PRKN: variants seen among roughly 807,000 people sequenced by gnomAD.
PRKN encodes E3 ubiquitin-protein ligase parkin.
In PRKN, 56 loss-of-function variants were observed where a neutral mutation model predicts 59.5. That is an observed-to-expected ratio of 0.94 (90% CI 0.76 to 1.18). The LOEUF (loss-of-function observed/expected upper bound fraction) is 1.18, where lower values mean the gene tolerates loss of function less well. Among genes scored for constraint, PRKN ranks in the 50% most tolerant of loss-of-function variants. The pLI, the probability that PRKN is intolerant of heterozygous loss-of-function variation, is 0.00. For synonymous variants in PRKN, 250 were observed against 222.1 expected, an observed-to-expected ratio of 1.13 and a Z score of -1.12; for missense variants, 657 against 596.4, an observed-to-expected ratio of 1.10 and a Z score of -1.06.
rs76849595 is a variant in PRKN at position 162,388,972 on chromosome 6, C to A, written c.171+54338G>T. ...CCAGACACTTTTTGTCCCCAACACC[C>A]AAAGCTTCATTTTAAAATCCTTTCA... On this transcript the variant is annotated intron_variant, in intron 2 of 11. Transcript: ENST00000366898. Among the ~76,000 whole-genome samples, 318 of 125,254 alleles carry A rather than the reference C, an allele frequency of 2.5e-3. 4 individuals carry two copies. The highest frequency in any genetic ancestry group is 0.021 in the East Asian group (78 of 3,674). The allele number at this position is 125,254 out of a possible 152,430, so 82.2% of individuals were successfully genotyped here.
chr6:161,893,377 C>T (rs887743338), intron 6 of PRKN, among the ~76,000 whole-genome samples: 2 of 152,122 alleles, frequency 1.3e-5, no homozygotes, highest in African/African-American at 4.8e-5. Flanking sequence ...TCTGTTCACA[C>T]GCCATGAAGT....
chr6:162,038,080 A>T (rs1390476169), intron 5 of PRKN, among the ~76,000 whole-genome samples: 1 of 151,556 alleles, frequency 6.6e-6, no homozygotes, highest in Admixed American at 6.6e-5. Context: ...ACTTTTCCTA[A>T]GCCATTATGA....
At position 161,400,451 on chromosome 6, in the gene PRKN, G is replaced by C. The variant is rs1322113811; in HGVS notation, c.1084-13574C>G. ...GCCTCCCAAGTAGCTGGAATTACAGGTGTGTGCCACCACGCCCAGCTAATT... is the reference window on the plus strand; with the variant it reads ...GCCTCCCAAGTAGCTGGAATTACAGCTGTGTGCCACCACGCCCAGCTAATT... On this transcript the variant is annotated intron_variant, in intron 9 of 11. Coordinates refer to ENST00000366898, the MANE Select transcript of PRKN (RefSeq NM_004562.3). The surrounding 1 kb of genome is among the most constrained non-coding windows in gnomAD (Gnocchi z 4.2). Among the ~76,000 whole-genome samples the C allele has an allele frequency of 6.6e-6, 1 of 151,878 alleles. No homozygotes were observed. Among genetic ancestry groups the C allele is most frequent in the East Asian group, 1.9e-4 (1 of 5,166 alleles).
chr6:162,184,966 G>GGGT (rs1162240878), intron 4 of PRKN, among the ~76,000 whole-genome samples: 1 of 151,876 alleles, frequency 6.6e-6, no homozygotes, highest in African/African-American at 2.4e-5. Flanking sequence ...CTTAAAATAA[G>GGGT]GGTGGGGGGG....
intron 1 of PRKN, among the ~76,000 whole-genome samples, chr6:162,699,182 G>C (rs1302491478): frequency 6.6e-6 from 1 of 152,216 alleles, no homozygotes. Context: ...TGACTATTTG[G>C]TGCCTAACCT....
In PRKN at chr6:162,721,977, TA is replaced by T. The variant is rs1778956796; in HGVS notation, c.7+5684del. On this transcript the variant is annotated intron_variant, in intron 1 of 11. Transcript: ENST00000366898. ...TGAAAAATCACGTGTTGCAGGCATGTATGTGTGTGCTGATATGTACATACAT... is the reference window on the plus strand; with the variant it reads ...TGAAAAATCACGTGTTGCAGGCATGTTGTGTGTGCTGATATGTACATACAT... Among the ~76,000 whole-genome samples the T allele has an allele frequency of 3.9e-5, 6 of 152,322 alleles. No individual in the cohort carries two copies. In the South Asian group the frequency reaches 1.2e-3, roughly 32 times the overall value.
intron 8 of PRKN, among the ~76,000 whole-genome samples, chr6:161,565,050 T>C (rs147200310): frequency 6.6e-6 from 1 of 152,348 alleles, no homozygotes; most frequent in Non-Finnish European, 1.5e-5. Flanking sequence ...CAACTTTCCC[T>C]GTCCTCTCTC....
At chr6:162,205,035 G>T (rs1221165241) in intron 3 of PRKN, among the ~76,000 whole-genome samples, 1 of 151,668 alleles carries the variant, frequency 6.6e-6, no homozygotes, top group Non-Finnish European at 1.5e-5. Context: ...GCTAATTTTG[G>T]TATTTTTAGT....
intron 3 of PRKN, among the ~76,000 whole-genome samples, chr6:162,236,566 A>G (rs999273252): frequency 6.6e-6 from 1 of 151,880 alleles, no homozygotes; most frequent in East Asian, 1.9e-4. Flanking sequence ...TGGGCCGATC[A>G]CTGGAGGTCA....
intron 2 of PRKN, among the ~76,000 whole-genome samples, chr6:162,388,168 G>T (rs1424120805): frequency 6.6e-6 from 1 of 152,116 alleles, no homozygotes; most frequent in South Asian, 2.1e-4. Context: ...CAGTGGCAAT[G>T]GACCAGGTTT....
At chr6:162,491,064 C>T (rs1346364625) in intron 1 of PRKN, among the ~76,000 whole-genome samples, 1 of 151,072 alleles carries the variant, frequency 6.6e-6, no homozygotes, top group Non-Finnish European at 1.5e-5. Flanking sequence ...GATCGCAGCA[C>T]TGCACTCCAG....
Position 161,549,687 on chromosome 6 carries a change from C to T in PRKN, c.934-684G>A, listed in dbSNP as rs1220660183. Among the ~76,000 whole-genome samples the T allele has an allele frequency of 1.3e-5, 2 of 152,262 alleles. No homozygotes were observed. Among genetic ancestry groups the T allele is most frequent in the East Asian group, 3.9e-4 (2 of 5,186 alleles). On this transcript the variant is annotated intron_variant, in intron 8 of 11. Transcript: ENST00000366898. This position sits in a 1 kb window ranked among gnomAD's most constrained non-coding sequence, Gnocchi z 6.0. ...AAATAAATTCCAAACTCCATCAGAC[C>T]ATTTTCAAGGTCTTCTTTGTGGCAG...
chr6:162,630,483 T>C (rs1292525544), intron 1 of PRKN, among the ~76,000 whole-genome samples: 5 of 152,278 alleles, frequency 3.3e-5, no homozygotes, highest in African/African-American at 9.6e-5. Context: ...CAACGTAATA[T>C]ACATTGGATG....
At chr6:162,710,374 A>AACACACACACATAC (rs1778487299) in intron 1 of PRKN, among the ~76,000 whole-genome samples, 1 of 125,242 alleles carries the variant, frequency 8.0e-6, no homozygotes, top group Non-Finnish European at 1.6e-5. Flanking sequence ...ACCCCCTACA[A>AACACACACACATAC]ACACACACAC....
intron 7 of PRKN, among the ~76,000 whole-genome samples, chr6:161,618,484 T>C (rs1782774812): frequency 6.6e-6 from 1 of 152,186 alleles, no homozygotes; most frequent in Non-Finnish European, 1.5e-5. Flanking sequence ...TCTCTCTCAC[T>C]TTTCTTTTTC....
intron 1 of PRKN, among the ~76,000 whole-genome samples, chr6:162,560,152 T>C (rs528600101): frequency 8.5e-5 from 13 of 152,136 alleles, no homozygotes; most frequent in Middle Eastern, 3.2e-3. Context: ...AATAAAGAGG[T>C]TATAATTAGG....
At chr6:161,792,919 T>C (rs1455156266) in intron 6 of PRKN, among the ~76,000 whole-genome samples, 1 of 152,228 alleles carries the variant, frequency 6.6e-6, no homozygotes, top group Non-Finnish European at 1.5e-5. Context: ...AATAAATGAC[T>C]GAAATCTCAG....
intron 1 of PRKN, among the ~76,000 whole-genome samples, chr6:162,722,973 G>A (rs2128241009): frequency 1.3e-5 from 2 of 152,252 alleles, no homozygotes; most frequent in African/African-American, 4.8e-5. Flanking sequence ...CAGAAGCTTT[G>A]GGGTACTTAG....
chr6:162,584,218 A>C (rs576306332), intron 1 of PRKN, among the ~76,000 whole-genome samples: 73 of 92,714 alleles, frequency 7.9e-4, no homozygotes, highest in East Asian at 4.2e-3. Context: ...GTCTCAAAAA[A>C]AAAAAACAAA....
Sources: allele counts gnomAD v4.1 joint callset (sites outside exome capture counted in the v4.1 genomes callset), GRCh38; gene constraint gnomAD v4.1.1; non-coding constraint Gnocchi (gnomAD v3.1); transcripts MANE v1.5; gene names NCBI Gene and HGNC (gene_info 2026-07-23, HGNC 2026-07-21).